DGAT2: variants seen among roughly 807,000 people sequenced by gnomAD.
DGAT2 encodes the protein acyl-CoA retinol O-fatty-acyltransferase.
A neutral mutation model predicts 48.4 loss-of-function variants in DGAT2; 33 were observed. The observed-to-expected ratio is 0.68, with a 90% CI of 0.52 to 0.91. The LOEUF (loss-of-function observed/expected upper bound fraction) is 0.91, where lower values mean the gene tolerates loss of function less well. Among genes scored for constraint, DGAT2 ranks in the 40% least tolerant of loss-of-function variants. DGAT2 has a pLI of 0.00. For missense variants in DGAT2, 446 were observed against 493.7 expected (o/e 0.90, Z 0.92); for synonymous variants, 191 against 194.1 (o/e 0.98, Z 0.13).
intron 1 of DGAT2, among the ~76,000 whole-genome samples, chr11:75,775,659 A>C (rs774580490): frequency 6.6e-6 from 1 of 151,978 alleles, no homozygotes; most frequent in South Asian, 2.1e-4. Flanking sequence ...CTGTTTCTCT[A>C]CTTTTCCAAC....
At position 75,773,305 on chromosome 11, in the gene DGAT2, A is replaced by T. The variant is rs372182575; in HGVS notation, c.121+4193A>T. Among the ~76,000 whole-genome samples, 23 of 152,238 alleles carry T rather than the reference A, an allele frequency of 1.5e-4. No homozygotes were observed. The South Asian group carries it at 4.4e-3, about 29-fold the overall frequency. ...TGGAGGTACCCACAGTCTGGCAAGG[A>T]GCTGGCTCCAAGGCTGAGTGGCAAG... On this transcript the variant is annotated intron_variant, in intron 1 of 7. Transcript: ENST00000228027.
At chr11:75,780,348 T>A (rs1202396708) in intron 1 of DGAT2, among the ~76,000 whole-genome samples, 1 of 152,228 alleles carries the variant, frequency 6.6e-6, no homozygotes, top group African/African-American at 2.4e-5. Context: ...ACTTCCCATC[T>A]GCCTGAGCAA....
chr11:75,798,606 C>T (rs752770654), intron 7 of DGAT2, among the ~76,000 whole-genome samples, 177 bp downstream of exon 7: 2 of 152,084 alleles, frequency 1.3e-5, no homozygotes, highest in African/African-American at 2.4e-5. Flanking sequence ...TAGTAGGAGT[C>T]GGGGAATTGA....
chr11:75,800,297 G>A (rs1000407142), intron 7 of DGAT2, 57 bp from the exon 8 acceptor site: 2 of 1,580,290 alleles, frequency 1.3e-6, no homozygotes, highest in Non-Finnish European at 8.6e-7. Flanking sequence ...CAGCATCATG[G>A]TGGATGCCCA....
intron 1 of DGAT2, among the ~76,000 whole-genome samples, chr11:75,783,117 T>C (rs1186327610): frequency 6.6e-6 from 1 of 152,224 alleles, no homozygotes; most frequent in East Asian, 1.9e-4. Flanking sequence ...TCCTGCCGCC[T>C]CCACCCCAGT....
chr11:75,799,142 C>G (rs1565321089), intron 7 of DGAT2, among the ~76,000 whole-genome samples: 1 of 152,200 alleles, frequency 6.6e-6, no homozygotes, highest in Non-Finnish European at 1.5e-5. Flanking sequence ...CTTTGCGTTC[C>G]TAGGCCAGGT....
chr11:75,785,034 C>G (rs535216115), intron 2 of DGAT2, among the ~76,000 whole-genome samples: 1 of 152,262 alleles, frequency 6.6e-6, no homozygotes, highest in Admixed American at 6.5e-5. Context: ...CAAGGTCACA[C>G]AGATTTGAAT....
In DGAT2 at chr11:75,771,860, G is replaced by A. The variant is rs187313036; in HGVS notation, c.121+2748G>A. Among the ~76,000 whole-genome samples, 7 of 152,262 alleles carry A rather than the reference G, an allele frequency of 4.6e-5. No homozygotes were observed. In the East Asian group the frequency reaches 1.3e-3, roughly 29 times the overall value. On this transcript the variant is annotated intron_variant, in intron 1 of 7. Coordinates refer to ENST00000228027, the MANE Select transcript of DGAT2 (RefSeq NM_032564.5). ...CAGGCTCAGTGACTCAATGGTCAGT[G>A]TTGAAATCCTGCCCCACCTCCACCC... is the stretch of plus-strand genomic sequence containing the variant.
Position 75,768,934 on chromosome 11 carries a change from G to A in DGAT2, c.-58G>A. 7.1e-7 allele frequency: 1 copy of A among 1,411,010 alleles called. No homozygotes were observed. The allele number at this position is 1,411,010 out of a possible 1,614,324, so 87.4% of individuals were successfully genotyped here. On this transcript the variant is annotated 5_prime_UTR_variant, in exon 1 of 8. Coordinates refer to ENST00000228027, the MANE Select transcript of DGAT2 (RefSeq NM_032564.5). ...CCTGGCCCCGGGGGCCGGGGCATGG[G>A]CCAGGGGCGCGGGGTGAAGCGGCTT... is the stretch of plus-strand genomic sequence containing the variant.
At chr11:75,775,042 C>T (rs1006521401) in intron 1 of DGAT2, among the ~76,000 whole-genome samples, 5 of 152,172 alleles carry the variant, frequency 3.3e-5, no homozygotes, top group African/African-American at 1.2e-4. Context: ...TTGATGAAAA[C>T]GGAATACACA....
At chr11:75,775,249 A>G (rs1486329052) in intron 1 of DGAT2, among the ~76,000 whole-genome samples, 4 of 152,212 alleles carry the variant, frequency 2.6e-5, no homozygotes, top group Non-Finnish European at 5.9e-5. Context: ...GAAGAGGCTT[A>G]GCGCCCCTGC....
intron 6 of DGAT2, 37 bp downstream of exon 6, chr11:75,797,369 T>C: frequency 7.1e-7 from 1 of 1,405,280 alleles, no homozygotes; most frequent in Non-Finnish European, 9.3e-7. Context: ...ACCCCTCCAG[T>C]GCCCCTCAGC....
At chr11:75,798,575 GAT>G in intron 7 of DGAT2, 146 bp downstream of exon 7, 1 of 912,266 alleles carries the variant, frequency 1.1e-6, no homozygotes, top group Non-Finnish European at 1.6e-6. Context: ...GTTGGGTGCT[GAT>G]ATTGGTCAGG....
At position 75,790,091 on chromosome 11, in the gene DGAT2, C is replaced by T. The variant is rs1484164289; in HGVS notation, c.251-97C>T. 5 of 905,786 alleles carry T rather than the reference C, an allele frequency of 5.5e-6. No homozygotes were observed. The East Asian group carries it at 1.2e-4, about 22-fold the overall frequency. 56.1% of individuals were successfully genotyped at this position (905,786 alleles called of 1,614,324 possible). A position where few individuals can be genotyped will look rare whatever the true frequency, so the allele number is the denominator to read the frequency against. On this transcript the variant is annotated intron_variant, in intron 2 of 7. Coordinates refer to ENST00000228027, the MANE Select transcript of DGAT2 (RefSeq NM_032564.5). ...CCCATGCCCATGGCCCTGGGTGTGC[C>T]TAGCTTAGTGCCACAGTAAACACTC...
chr11:75,784,321 G>C lies in DGAT2; in HGVS notation c.122-297G>C, dbSNP rs559983430. The C allele has an allele frequency of 1.7e-3, 393 of 233,620 alleles. 3 individuals carry two copies. The highest frequency in any genetic ancestry group is 3.1e-3 in the Middle Eastern group (2 of 652). 14.5% of individuals were successfully genotyped at this position (233,620 alleles called of 1,614,324 possible). A position where few individuals can be genotyped will look rare whatever the true frequency, so the allele number is the denominator to read the frequency against. The stretch of plus-strand genomic sequence containing the variant: ...CTGGCAATTATGAGAGACTTCCCAA[G>C]GCCTAGCCCTTGGACTAGCCTCTTT... On this transcript the variant is annotated intron_variant, in intron 1 of 7. Coordinates refer to ENST00000228027, the MANE Select transcript of DGAT2 (RefSeq NM_032564.5).
At chr11:75,779,951 TC>T (rs1944842491) in intron 1 of DGAT2, among the ~76,000 whole-genome samples, 1 of 152,172 alleles carries the variant, frequency 6.6e-6, no homozygotes, top group Admixed American at 6.5e-5. Context: ...ATGGATTTGC[TC>T]AGCTATGCAG....
intron 1 of DGAT2, among the ~76,000 whole-genome samples, chr11:75,783,832 A>T (rs1944893328): frequency 6.6e-6 from 1 of 152,148 alleles, no homozygotes; most frequent in Non-Finnish European, 1.5e-5. Flanking sequence ...CAAGCCAATT[A>T]AGTGGGCACA....
chr11:75,779,770 G>A (rs918857267), intron 1 of DGAT2, among the ~76,000 whole-genome samples: 10 of 152,202 alleles, frequency 6.6e-5, no homozygotes, highest in African/African-American at 2.2e-4. Context: ...GCAGGGTTGT[G>A]TTCCCTTTAT....
At chr11:75,797,454 C>G (rs1340494720) in intron 6 of DGAT2, 122 bp downstream of exon 6, 5 of 1,184,678 alleles carry the variant, frequency 4.2e-6, no homozygotes, top group Non-Finnish European at 5.5e-6. Flanking sequence ...GTCAGTCATT[C>G]TGTTAGGGAG....
Sources: allele counts gnomAD v4.1 joint callset (sites outside exome capture counted in the v4.1 genomes callset), GRCh38; gene constraint gnomAD v4.1.1; transcripts MANE v1.5; gene names NCBI Gene and HGNC (gene_info 2026-07-23, HGNC 2026-07-21).